RPLP2: variants seen among roughly 807,000 people sequenced by gnomAD.
RPLP2 encodes ribosomal protein lateral stalk subunit P2.
RPLP2 carries 1 observed loss-of-function variant against 11.5 expected under a neutral mutation model. That is an observed-to-expected ratio of 0.09 (90% confidence interval 0.03 to 0.41). The LOEUF is 0.41. Among genes scored for constraint, RPLP2 ranks in the 10% least tolerant of loss-of-function variants. The pLI is 0.98. For synonymous variants in RPLP2, 82 were observed against 55.9 expected, an observed-to-expected ratio of 1.47 and a Z score of -2.08; for missense variants, 177 against 145.6, an observed-to-expected ratio of 1.22 and a Z score of -1.11.
intron 3 of RPLP2, 72 bp downstream of exon 3, chr11:811,717 T>G: frequency 6.2e-7 from 1 of 1,602,466 alleles, no homozygotes; most frequent in African/African-American, 1.3e-5. Flanking sequence ...ATCTGTGGCC[T>G]GCCAGGTTTC....
intron 3 of RPLP2, chr11:812,187 C>G (rs948433501): frequency 1.7e-5 from 7 of 406,744 alleles, no homozygotes; most frequent in Non-Finnish European, 3.2e-5. Context: ...ATGAACACAG[C>G]GTTGTGGCCA....
At chr11:812,214 G>C (rs1198906872) in intron 3 of RPLP2, 2 of 433,954 alleles carry the variant, frequency 4.6e-6, no homozygotes, top group Non-Finnish European at 8.6e-6. Flanking sequence ...TGGATACTGG[G>C]GCAGCACACT....
chr11:812,818 A>T lies in RPLP2; in HGVS notation c.330A>T (p.Gly110=), dbSNP rs1845428179. Residue 110 remains glycine (G), a synonymous_variant, in exon 5 of 5, where the codon GGA becomes GGT. Coordinates refer to ENST00000321153, the MANE Select transcript of RPLP2 (RefSeq NM_001004.4). ...CTGAAGAGTCAGATGATGACATGGG[A>T]TTTGGCCTTTTTGATTAAATTCCTG... ...EESEESDDDM[G]FGLFD 4 of 1,613,352 alleles carry T rather than the reference A, an allele frequency of 2.5e-6. No homozygotes were observed. The African/African-American group carries it at 4.0e-5, about 16-fold the overall frequency.
Position 811,634 on chromosome 11 carries a change from T to C in RPLP2, c.161T>C (p.Val54Ala), listed in dbSNP as rs1262053673. 2 of 1,614,116 alleles carry C rather than the reference T, an allele frequency of 1.2e-6. No homozygotes were observed. The highest frequency in any genetic ancestry group is 1.7e-6 in the Non-Finnish European group (2 of 1,180,034). Residue 54 changes from valine (V) to alanine (A), a missense_variant, in exon 3 of 5, where the codon GTC (valine) becomes GCC (alanine). Transcript: ENST00000321153. ...SELNGKNIED[V>A]IAQGIGKLAS... is the part of the protein sequence containing the mutation. ...CTGAATGGAAAAAACATTGAAGACG[T>C]CATTGCCCAGGGTGAGTTGATGTGG...
rs1203050837 is a variant in RPLP2, at chr11:810,347, G to A, written c.113G>A (p.Arg38Gln). The A allele has an allele frequency of 6.2e-6, 10 of 1,606,840 alleles. No individual in the cohort carries two copies. In the African/African-American group the frequency reaches 1.1e-4, roughly 17 times the overall value. Residue 38 changes from arginine (R) to glutamine (Q), a missense_variant, in exon 2 of 5, where the codon CGG becomes CAG. By Grantham distance (43) the Arg-to-Gln change is conservative (BLOSUM62 1). Transcript: ENST00000321153. ...DSVGIEADDD[R>Q]LNKVISELNG... ...GTGGGTATCGAGGCGGACGACGACC[G>A]GCTCAACAAGGTAGCGGCCGCCCTT...
intron 3 of RPLP2, chr11:812,127 C>G (rs185309528): frequency 1.0e-4 from 39 of 378,914 alleles, no homozygotes; most frequent in Middle Eastern, 8.8e-4. Context: ...CTGTTCTTGT[C>G]TTCCATGCAT....
rs745663573 is a variant in RPLP2, at chr11:810,342, C to T, written c.108C>T (p.Asp36=). 26 of 1,607,230 alleles carry T rather than the reference C, an allele frequency of 1.6e-5. No homozygotes were observed. Among genetic ancestry groups the T allele is most frequent in the East Asian group, 1.1e-4 (5 of 44,174 alleles). ...ILDSVGIEAD[D]DRLNKVISEL... is the part of the protein sequence containing the mutation. ...ACAGCGTGGGTATCGAGGCGGACGA[C>T]GACCGGCTCAACAAGGTAGCGGCCG... Residue 36 remains aspartate (D), a synonymous_variant, in exon 2 of 5, where the codon GAC becomes GAT. Coordinates refer to ENST00000321153, the MANE Select transcript of RPLP2 (RefSeq NM_001004.4).
chr11:812,001 G>A, intron 3 of RPLP2: 1 of 457,968 alleles, frequency 2.2e-6, no homozygotes, highest in South Asian at 2.0e-5. Context: ...TTGGGGGCAG[G>A]GACTGAGGGT....
chr11:811,028 ATGGT>A (rs1267589131), intron 2 of RPLP2, among the ~76,000 whole-genome samples: 4 of 140,944 alleles, frequency 2.8e-5, no homozygotes, highest in Non-Finnish European at 6.2e-5. Flanking sequence ...AAAAAAAAAA[ATGGT>A]TGGAGGCAGT....
chr11:810,597 C>T, intron 2 of RPLP2: 2 of 381,476 alleles, frequency 5.2e-6, no homozygotes, highest in Non-Finnish European at 9.5e-6. Flanking sequence ...GGTTCGAGAC[C>T]AGCCTGGTAA....
intron 2 of RPLP2, 51 bp from the exon 3 acceptor site, chr11:811,546 G>A (rs751398072): frequency 9.3e-6 from 15 of 1,610,270 alleles, no homozygotes; most frequent in South Asian, 2.2e-5. Context: ...GGAGAGGGCC[G>A]GGGATACAAT....
chr11:811,821 G>A (rs1866075135), intron 3 of RPLP2, 176 bp downstream of exon 3: 1 of 824,346 alleles, frequency 1.2e-6, no homozygotes, highest in Non-Finnish European at 2.2e-6. Flanking sequence ...ACTCTCAGGA[G>A]CAGGGCAGCA....
At position 812,658 on chromosome 11, in the gene RPLP2, C is replaced by A. The variant is rs375601862; in HGVS notation, c.271+25C>A. On this transcript the variant is annotated intron_variant, in intron 4 of 4. Transcript: ENST00000321153. The stretch of plus-strand genomic sequence containing the variant: ...GGTAAGTGGTGGCCTGGTGAGTGGG[C>A]AAGGGGCTGGGGCTCAGACGGTGTT... 2.5e-6 allele frequency: 4 copies of A among 1,611,106 alleles called. No individual in the cohort carries two copies. In the African/African-American group the frequency reaches 5.3e-5, roughly 22 times the overall value.
intron 4 of RPLP2, 45 bp downstream of exon 4, chr11:812,678 G>A (rs760596958): frequency 9.9e-6 from 16 of 1,612,064 alleles, no homozygotes; most frequent in African/African-American, 6.7e-5. Context: ...GGGCTCAGAC[G>A]GTGTTGCTGC....
chr11:810,536 G>C, intron 2 of RPLP2, 179 bp downstream of exon 2: 1 of 538,836 alleles, frequency 1.9e-6, no homozygotes, highest in South Asian at 2.6e-5. Context: ...GCTCACGCCT[G>C]TAGTCCCAGT....
At chr11:810,130 G>C (rs1347336945) in intron 1 of RPLP2, 91 bp downstream of exon 1, 3 of 1,305,658 alleles carry the variant, frequency 2.3e-6, no homozygotes, top group Non-Finnish European at 3.0e-6. Context: ...TGGGACGGAG[G>C]CCTACGGGCC....
chr11:810,049 G>T lies in RPLP2; in HGVS notation c.-2+10G>T, dbSNP rs1865973449. The T allele has an allele frequency of 4.5e-6, 3 of 659,998 alleles. No individual in the cohort carries two copies. The South Asian group carries it at 1.1e-4, about 23-fold the overall frequency. The allele number at this position is 659,998 out of a possible 1,614,324, so 40.9% of individuals were successfully genotyped here. A position where few individuals can be genotyped will look rare whatever the true frequency, so the allele number is the denominator to read the frequency against. On this transcript the variant is annotated intron_variant, in intron 1 of 4. Transcript: ENST00000321153. ...CCGCAGACGCCGCCGCGTGAGTGTG[G>T]TGACCGGGCCCGGGGTGCCGGCTGG...
intron 3 of RPLP2, 73 bp downstream of exon 3, chr11:811,718 G>T (rs1866069377): frequency 6.3e-7 from 1 of 1,598,276 alleles, no homozygotes; most frequent in African/African-American, 1.3e-5. Flanking sequence ...TCTGTGGCCT[G>T]CCAGGTTTCG....
At chr11:810,104 G>A in intron 1 of RPLP2, 65 bp downstream of exon 1, 1 of 1,138,106 alleles carries the variant, frequency 8.8e-7, no homozygotes, top group Non-Finnish European at 1.2e-6. Flanking sequence ...ATGCGGGGTG[G>A]GCGGCGGGGT....
Sources: allele counts gnomAD v4.1 joint callset (sites outside exome capture counted in the v4.1 genomes callset), GRCh38; gene constraint gnomAD v4.1.1; transcripts MANE v1.5; gene names NCBI Gene and HGNC (gene_info 2026-07-23, HGNC 2026-07-21).